GRM8: variants seen among roughly 807,000 people sequenced by gnomAD.
GRM8 encodes the protein metabotropic glutamate receptor 8.
In GRM8, 47 loss-of-function variants were observed where a neutral mutation model predicts 87.2. The ratio of observed to expected loss-of-function variants is 0.54; its 90% CI spans 0.43 to 0.69. The LOEUF is 0.69. GRM8 is among the 30% of genes least tolerant of loss of function. GRM8 has a pLI of 0.00. For synonymous variants in GRM8, 396 were observed against 404.5 expected (o/e 0.98, Z 0.25); for missense variants, 1,019 against 1,139.2 (o/e 0.89, Z 1.52).
intron 3 of GRM8, among the ~76,000 whole-genome samples, chr7:127,004,957 T>C (rs1814118506): frequency 2.0e-5 from 3 of 151,650 alleles, no homozygotes; most frequent in Non-Finnish European, 4.4e-5. Context: ...TTTTATCACT[T>C]TCTTAGTTAC....
At chr7:126,837,865 T>C (rs994959871) in intron 6 of GRM8, among the ~76,000 whole-genome samples, 2 of 152,232 alleles carry the variant, frequency 1.3e-5, no homozygotes, top group Admixed American at 1.3e-4. Context: ...GATGAACTAT[T>C]GAGCATCCAG....
At chr7:126,937,829 C>A (rs1026173386) in intron 3 of GRM8, among the ~76,000 whole-genome samples, 3 of 152,140 alleles carry the variant, frequency 2.0e-5, no homozygotes, top group Admixed American at 1.3e-4. Flanking sequence ...AGACATATCC[C>A]AGAGACCTGG....
chr7:126,454,634 G>T (rs568021117), intron 9 of GRM8, among the ~76,000 whole-genome samples: 2 of 151,724 alleles, frequency 1.3e-5, no homozygotes, highest in Admixed American at 1.3e-4. Context: ...GAATGTGACT[G>T]CATTTGAAGA....
intron 2 of GRM8, among the ~76,000 whole-genome samples, chr7:127,198,710 C>A (rs959649534): frequency 1.3e-5 from 2 of 151,634 alleles, no homozygotes; most frequent in African/African-American, 2.4e-5. Context: ...GCTCTGTCAC[C>A]CAGGATAGAG....
chr7:127,015,158 G>GA (rs199659604), intron 3 of GRM8, among the ~76,000 whole-genome samples: 1,267 of 45,948 alleles, frequency 0.028, 11 homozygotes, highest in African/African-American at 0.092. Context: ...AAGGAAGAAG[G>GA]AGAAGGAGAA....
At chr7:126,673,565 G>A (rs1806620428) in intron 7 of GRM8, among the ~76,000 whole-genome samples, 1 of 152,150 alleles carries the variant, frequency 6.6e-6, no homozygotes, top group African/African-American at 2.4e-5. Context: ...TCCTCCCACT[G>A]TCTTTATAGA....
At chr7:127,221,177 G>T (rs932990759) in intron 2 of GRM8, among the ~76,000 whole-genome samples, 1 of 152,202 alleles carries the variant, frequency 6.6e-6, no homozygotes, top group African/African-American at 2.4e-5. Flanking sequence ...GGCCTTAAAA[G>T]TCTACCTATG....
chr7:126,839,812 C>T (rs867466229), intron 6 of GRM8, among the ~76,000 whole-genome samples: 1 of 152,176 alleles, frequency 6.6e-6, no homozygotes, highest in Non-Finnish European at 1.5e-5. Flanking sequence ...TATCAGACAA[C>T]CTTACTGGGG....
chr7:127,104,737 A>G (rs966006774), intron 3 of GRM8, among the ~76,000 whole-genome samples: 4 of 152,222 alleles, frequency 2.6e-5, no homozygotes, highest in Admixed American at 1.3e-4. Flanking sequence ...GCTAATGACT[A>G]TGATAGAAAC....
chr7:126,849,149 T>A (rs1796974723), intron 6 of GRM8, among the ~76,000 whole-genome samples: 1 of 152,002 alleles, frequency 6.6e-6, no homozygotes. Context: ...GAGATTTGGA[T>A]GGGGACACAG....
chr7:126,976,581 G>C (rs1048562069), intron 3 of GRM8, among the ~76,000 whole-genome samples: 1 of 152,030 alleles, frequency 6.6e-6, no homozygotes, highest in Non-Finnish European at 1.5e-5. Context: ...GCAACAGAGC[G>C]AGACTCTGTC....
At chr7:127,195,852 T>C (rs1459307912) in intron 2 of GRM8, among the ~76,000 whole-genome samples, 2 of 152,224 alleles carry the variant, frequency 1.3e-5, no homozygotes, top group Non-Finnish European at 2.9e-5. Context: ...GCCTGGTTTT[T>C]ATCTTTAAAG....
At chr7:126,713,749 A>G (rs1811389857) in intron 7 of GRM8, among the ~76,000 whole-genome samples, 1 of 151,924 alleles carries the variant, frequency 6.6e-6, no homozygotes, top group Non-Finnish European at 1.5e-5. Context: ...ATAAACTTTC[A>G]GTTATAATGA....
intron 6 of GRM8, among the ~76,000 whole-genome samples, chr7:126,796,438 G>A (rs1377578613): frequency 6.6e-6 from 1 of 152,058 alleles, no homozygotes; most frequent in Non-Finnish European, 1.5e-5. Flanking sequence ...TTACCAAAGA[G>A]GGAAACATAA....
chr7:127,154,325 T>G (rs1269856829), intron 2 of GRM8, among the ~76,000 whole-genome samples: 1 of 152,136 alleles, frequency 6.6e-6, no homozygotes, highest in Non-Finnish European at 1.5e-5. Context: ...CTGCACCTTA[T>G]GCTCCAGCTA....
At chr7:126,903,701 A>G (rs1452097267) in intron 5 of GRM8, among the ~76,000 whole-genome samples, 1 of 143,974 alleles carries the variant, frequency 6.9e-6, no homozygotes, top group African/African-American at 2.5e-5. Context: ...ATGTGTATAT[A>G]TATATGTATA....
chr7:126,444,302 C>G (rs1212667303), intron 10 of GRM8, among the ~76,000 whole-genome samples: 1 of 152,024 alleles, frequency 6.6e-6, no homozygotes. Flanking sequence ...TACAGTATAC[C>G]TTTTGCTAAG....
intron 3 of GRM8, among the ~76,000 whole-genome samples, chr7:126,916,909 A>G (rs1459315724): frequency 6.6e-6 from 1 of 152,256 alleles, no homozygotes; most frequent in Admixed American, 6.5e-5. Context: ...TCCCTAGGTA[A>G]TGCAAGATCA....
In GRM8 at chr7:126,555,097, CATAAAT is replaced by C. The variant is rs200407410; in HGVS notation, c.1495-21216_1495-21211del. ...AAACACTTAAAAACAAAACAAAGAA[CATAAAT>C]AAAATTATTTAGAACAGAAACACCA... On this transcript the variant is annotated intron_variant, in intron 8 of 10. Transcript: ENST00000339582. Among the ~76,000 whole-genome samples, 650 of 152,242 alleles carry C rather than the reference CATAAAT, an allele frequency of 4.3e-3. 11 individuals carry two copies. Among genetic ancestry groups the C allele is most frequent in the South Asian group, 0.042 (203 of 4,814 alleles).
Sources: allele counts gnomAD v4.1 joint callset (sites outside exome capture counted in the v4.1 genomes callset), GRCh38; gene constraint gnomAD v4.1.1; transcripts MANE v1.5; gene names NCBI Gene and HGNC (gene_info 2026-07-23, HGNC 2026-07-21).